SP140: variants seen among roughly 807,000 people sequenced by gnomAD.
SP140 encodes SP140 nuclear body protein.
A neutral mutation model predicts 125.0 loss-of-function variants in SP140; 81 were observed. The observed-to-expected ratio is 0.65, with a 90% CI of 0.54 to 0.78. The LOEUF (loss-of-function observed/expected upper bound fraction) is 0.78. Ranked by LOEUF, SP140 falls within the 30% of genes least tolerant of loss-of-function variation. The pLI is 0.00. For missense variants in SP140, 858 were observed against 1,037.0 expected (o/e 0.83, Z 2.37); for synonymous variants, 312 against 354.0 (o/e 0.88, Z 1.33).
rs2059692 is a variant in SP140, at chr2:230,287,768, C to G, written c.1646-124C>G. ...ATACCTTAAAGGCTAGGGTTTAAATCTTTTTATTTATACATTAAACAGGCT... is the reference window on the plus strand; with the variant it reads ...ATACCTTAAAGGCTAGGGTTTAAATGTTTTTATTTATACATTAAACAGGCT... On this transcript the variant is annotated intron_variant, in intron 17 of 26. Coordinates refer to ENST00000392045, the MANE Select transcript of SP140 (RefSeq NM_007237.5). 5 of 751,958 alleles carry G rather than the reference C, an allele frequency of 6.6e-6. No homozygotes were observed. In the South Asian group the frequency reaches 1.1e-4, roughly 16 times the overall value. 46.6% of individuals were successfully genotyped at this position (751,958 alleles called of 1,614,324 possible).
chr2:230,216,526 T>C (rs1209569782), intron 3 of SP140, among the ~76,000 whole-genome samples: 1 of 152,188 alleles, frequency 6.6e-6, no homozygotes, highest in Non-Finnish European at 1.5e-5. Context: ...CCTCCACACC[T>C]GAGAGAATAT....
chr2:230,213,916 C>G (rs1175785549), intron 2 of SP140: 1 of 152,332 alleles, frequency 6.6e-6, no homozygotes, highest in Non-Finnish European at 1.5e-5. Flanking sequence ...GGACTTGCCC[C>G]TTTCACTGTC....
chr2:230,250,014 A>G (rs2050115121), intron 9 of SP140, among the ~76,000 whole-genome samples: 1 of 152,188 alleles, frequency 6.6e-6, no homozygotes, highest in Admixed American at 6.5e-5. Flanking sequence ...GTGCCTGAAG[A>G]TATTTATCCC....
chr2:230,212,540 G>A, intron 1 of SP140: 2 of 1,075,816 alleles, frequency 1.9e-6, no homozygotes, highest in Admixed American at 1.7e-5. Flanking sequence ...AAGGGCAGAG[G>A]GTTGGAATGT....
At chr2:230,207,204 AG>A (rs1559170334) in intron 1 of SP140, among the ~76,000 whole-genome samples, 1 of 152,210 alleles carries the variant, frequency 6.6e-6, no homozygotes, top group South Asian at 2.1e-4. Flanking sequence ...GTATCTAAAC[AG>A]AAAAATCCAT....
intron 1 of SP140, chr2:230,209,837 A>C: frequency 1.2e-6 from 1 of 805,672 alleles, no homozygotes; most frequent in South Asian, 1.3e-5. Context: ...GACTGTGGTC[A>C]CATAGTGGTG....
chr2:230,260,723 G>T (rs1044757288), intron 12 of SP140, among the ~76,000 whole-genome samples: 14 of 152,128 alleles, frequency 9.2e-5, no homozygotes, highest in Admixed American at 5.2e-4. Flanking sequence ...TTTATGGTTT[G>T]TTTGCTTTGT....
chr2:230,243,887 G>A, intron 5 of SP140, 76 bp downstream of exon 5: 3 of 1,015,280 alleles, frequency 3.0e-6, no homozygotes, highest in Non-Finnish European at 4.7e-6. Flanking sequence ...GTTTCCTAAT[G>A]CATTTTACTC....
chr2:230,289,587 G>A (rs1431224620), intron 18 of SP140, among the ~76,000 whole-genome samples: 2 of 152,156 alleles, frequency 1.3e-5, no homozygotes, highest in African/African-American at 2.4e-5. Context: ...CAATTCTCCT[G>A]ACTTAGCCTC....
chr2:230,245,739 T>C, intron 6 of SP140, 124 bp from the exon 7 acceptor site: 1 of 638,898 alleles, frequency 1.6e-6, no homozygotes. Flanking sequence ...CACTTTTGTT[T>C]GGTGCAAAGA....
upstream of SP140, among the ~76,000 whole-genome samples, chr2:230,224,499 C>G (rs527363158): frequency 7.6e-4 from 105 of 138,116 alleles, no homozygotes; most frequent in African/African-American, 2.8e-3. Context: ...GAGAGGGAGA[C>G]AGAGGAGAGA....
intron 12 of SP140, among the ~76,000 whole-genome samples, chr2:230,260,495 T>G (rs2052047400): frequency 6.6e-6 from 1 of 152,244 alleles, no homozygotes; most frequent in South Asian, 2.1e-4. Flanking sequence ...GCTTTTGGGT[T>G]CTTGGTCATG....
At chr2:230,254,938 A>C (rs2050913695) in intron 11 of SP140, among the ~76,000 whole-genome samples, 1 of 151,808 alleles carries the variant, frequency 6.6e-6, no homozygotes, top group Non-Finnish European at 1.5e-5. Context: ...GCCTTGGCCC[A>C]CTCTGCTCCT....
rs75083857 is a variant in SP140 at position 230,255,526 on chromosome 2, G to C, written c.1234G>C (p.Gly412Arg). 1,904 of 1,570,988 alleles carry C rather than the reference G, an allele frequency of 1.2e-3. 24 individuals are homozygous for C. In the African/African-American group the frequency reaches 0.027, roughly 22 times the overall value. Residue 412 changes from glycine (G) to arginine (R), a missense_variant, in exon 12 of 27, where the codon GGG becomes CGG. This residue lies in a region of SP140 where 791 missense variants were observed against 869.5 expected (regional missense o/e 0.91). Transcript: ENST00000392045. ...AGCCTCTAGCTCCCTAGCAAGACGT[G>C]GGTCAGGTAAGGACGGGGGGGGGGA... The part of the protein sequence containing the change: ...QEASSSLARR[G>R]SVSSELENHP...
intron 16 of SP140, among the ~76,000 whole-genome samples, 161 bp downstream of exon 16, chr2:230,284,572 T>G (rs1348514453): frequency 6.6e-6 from 1 of 152,176 alleles, no homozygotes; most frequent in Non-Finnish European, 1.5e-5. Context: ...GAGAATGCAA[T>G]GGCTTCAACA....
chr2:230,310,652 A>C lies in SP140; in HGVS notation c.2175-91A>C, dbSNP rs372228804. On this transcript the variant is annotated intron_variant, in intron 23 of 26. Coordinates refer to ENST00000392045, the MANE Select transcript of SP140 (RefSeq NM_007237.5). ...CCTCCCTCCCATGACTGAGCCCATC[A>C]GCCATTCCTGAAGGAAGACAGTGGT... The C allele has an allele frequency of 3.9e-5, 60 of 1,529,970 alleles. No individual in the cohort carries two copies. The South Asian group carries it at 6.9e-4, about 18-fold the overall frequency. 94.8% of individuals were successfully genotyped at this position (1,529,970 alleles called of 1,614,324 possible). A position where few individuals can be genotyped will look rare whatever the true frequency, so the allele number is the denominator to read the frequency against.
chr2:230,240,254 TA>T (rs1281778087), intron 3 of SP140, among the ~76,000 whole-genome samples: 6 of 151,928 alleles, frequency 3.9e-5, no homozygotes, highest in African/African-American at 1.5e-4. Flanking sequence ...AAACTGAGAG[TA>T]GGCAGTAATT....
chr2:230,196,812 A>G, the SP140 span, among the ~76,000 whole-genome samples: 11 of 151,832 alleles, frequency 7.2e-5, no homozygotes, highest in East Asian at 1.4e-3. Context: ...TTGTCCTTGC[A>G]ATAGTTTGCA....
intron 9 of SP140, 144 bp from the exon 10 acceptor site, chr2:230,250,837 C>T: frequency 1.4e-6 from 1 of 721,016 alleles, no homozygotes. Flanking sequence ...ACTTACAGGC[C>T]AGGTGAACCC....
Sources: gnomAD v4.1 joint callset for allele counts (sites outside exome capture counted in the v4.1 genomes callset) on GRCh38, gnomAD v4.1.1 for gene constraint, gnomAD v4.1.1 regional missense constraint, MANE v1.5 for transcripts, NCBI Gene and HGNC (gene_info 2026-07-23, HGNC 2026-07-21) for gene names.